Variants in HS3ST4 observed in about 807,000 individuals in gnomAD.
HS3ST4 encodes the protein heparan sulfate-glucosamine 3-sulfotransferase 4.
A neutral mutation model predicts 29.2 loss-of-function variants in HS3ST4; 17 were observed. The observed-to-expected ratio is 0.58, with a 90% CI of 0.40 to 0.87. The LOEUF (loss-of-function observed/expected upper bound fraction) is 0.87, where lower values mean the gene tolerates loss of function less well. Ranked by LOEUF, HS3ST4 falls within the 40% of genes least tolerant of loss-of-function variation. The pLI, the probability that HS3ST4 is intolerant of heterozygous loss-of-function variation, is 0.00. For synonymous variants in HS3ST4, 314 were observed against 285.7 expected (o/e 1.10, Z -1.00); for missense variants, 627 against 634.5 (o/e 0.99, Z 0.13).
At position 25,701,875 on chromosome 16, in the gene HS3ST4, T is replaced by C. The variant is rs976660923; in HGVS notation, c.734+8724T>C. Among the ~76,000 whole-genome samples the C allele has an allele frequency of 2.0e-5, 3 of 152,346 alleles. 1 individual carries two copies. The highest frequency in any genetic ancestry group is 6.8e-3 in the Middle Eastern group (2 of 294). On this transcript the variant is annotated intron_variant, in intron 1 of 1. Coordinates refer to ENST00000331351, the MANE Select transcript of HS3ST4 (RefSeq NM_006040.3). ...GGAAGGATGGTTCAATCTTGGGGAA[T>C]GTAATAATGTGATTTATTGTTAATA...
chr16:26,111,227 T>C (rs1017421821), intron 1 of HS3ST4, among the ~76,000 whole-genome samples: 1 of 151,238 alleles, frequency 6.6e-6, no homozygotes, highest in Non-Finnish European at 1.5e-5. Flanking sequence ...TACAGGTGTA[T>C]ACCAGCACAT....
At chr16:25,726,748 A>G (rs1966537915) in intron 1 of HS3ST4, among the ~76,000 whole-genome samples, 1 of 152,232 alleles carries the variant, frequency 6.6e-6, no homozygotes, top group African/African-American at 2.4e-5. Context: ...TGTTTTCAGC[A>G]GTGATTGGTT....
At chr16:25,942,213 T>C (rs1410946524) in intron 1 of HS3ST4, among the ~76,000 whole-genome samples, 1 of 152,004 alleles carries the variant, frequency 6.6e-6, no homozygotes, top group East Asian at 1.9e-4. Context: ...ACCTGGAGAC[T>C]GGGGGGAGGA....
Position 25,899,580 on chromosome 16 carries a change from A to G in HS3ST4, c.734+206429A>G, listed in dbSNP as rs1200756205. 2.6e-5 allele frequency among the ~76,000 whole-genome samples: 4 copies of G among 151,846 alleles called. No individual in the cohort carries two copies. The East Asian group carries it at 7.7e-4, about 29-fold the overall frequency. ...GAGTGCAGTGGTGCGATCTCAGCTC[A>G]CTGCAACCTCTGCCGTACGTGTTCA... On this transcript the variant is annotated intron_variant, in intron 1 of 1. Transcript: ENST00000331351.
chr16:26,026,685 A>G (rs1292720668), intron 1 of HS3ST4, among the ~76,000 whole-genome samples: 3 of 152,162 alleles, frequency 2.0e-5, no homozygotes, highest in Non-Finnish European at 2.9e-5. Context: ...ATTTCTGCTC[A>G]TGTCATTTCT....
chr16:25,948,521 T>C (rs1968652358), intron 1 of HS3ST4, among the ~76,000 whole-genome samples: 1 of 152,138 alleles, frequency 6.6e-6, no homozygotes, highest in African/African-American at 2.4e-5. Flanking sequence ...ATCACTGCTT[T>C]CTTTGACTAT....
chr16:25,746,985 A>T (rs1302985593), intron 1 of HS3ST4, among the ~76,000 whole-genome samples: 1 of 152,192 alleles, frequency 6.6e-6, no homozygotes, highest in African/African-American at 2.4e-5. Flanking sequence ...AGTAGCTAAG[A>T]CCACAGGTGT....
chr16:26,043,883 C>G (rs561711917), intron 1 of HS3ST4, among the ~76,000 whole-genome samples: 1 of 152,328 alleles, frequency 6.6e-6, no homozygotes, highest in South Asian at 2.1e-4. Context: ...CCTCTTCATT[C>G]TCCCTGCCAC....
chr16:25,866,085 A>G (rs1331216261), intron 1 of HS3ST4, among the ~76,000 whole-genome samples: 7 of 152,200 alleles, frequency 4.6e-5, no homozygotes, highest in Non-Finnish European at 8.8e-5. Flanking sequence ...TAATCTATCC[A>G]TTTGCAAAAT....
intron 1 of HS3ST4, among the ~76,000 whole-genome samples, chr16:25,922,387 G>A (rs1490228728): frequency 6.6e-6 from 1 of 152,144 alleles, no homozygotes; most frequent in Non-Finnish European, 1.5e-5. Flanking sequence ...CATCATTTGT[G>A]AACCAGTAAA....
intron 1 of HS3ST4, among the ~76,000 whole-genome samples, chr16:25,702,392 C>A (rs980513642): frequency 3.3e-5 from 5 of 151,992 alleles, no homozygotes; most frequent in African/African-American, 7.3e-5. Context: ...ACCAGAGAGA[C>A]GAAATAACTA....
chr16:26,085,522 ATG>A (rs72164977), intron 1 of HS3ST4, among the ~76,000 whole-genome samples: 72,896 of 151,558 alleles, frequency 0.48, 17,741 homozygotes, highest in Middle Eastern at 0.56. Context: ...ATATATATAT[ATG>A]TTATAAAAAC....
At chr16:25,937,620 G>C (rs1438827454) in intron 1 of HS3ST4, among the ~76,000 whole-genome samples, 5 of 152,106 alleles carry the variant, frequency 3.3e-5, no homozygotes, top group Non-Finnish European at 7.3e-5. Flanking sequence ...GCAGCTGGAG[G>C]GCTAGGTGGA....
chr16:25,870,002 GAGATATTCACAGGTTGA>G (rs1967732933), intron 1 of HS3ST4, among the ~76,000 whole-genome samples: 1 of 152,140 alleles, frequency 6.6e-6, no homozygotes, highest in African/African-American at 2.4e-5. Flanking sequence ...CTCTATCTCT[GAGATATTCACAGGTTGA>G]AGTCATAGGA....
intron 1 of HS3ST4, among the ~76,000 whole-genome samples, chr16:25,834,591 C>A (rs1157529087): frequency 6.6e-6 from 1 of 152,070 alleles, no homozygotes; most frequent in South Asian, 2.1e-4. Flanking sequence ...TAAAAATATA[C>A]AAAACATGCT....
chr16:25,865,182 A>G (rs971430004), intron 1 of HS3ST4, among the ~76,000 whole-genome samples: 3 of 152,230 alleles, frequency 2.0e-5, no homozygotes, highest in African/African-American at 7.2e-5. Context: ...TTGCTGGATC[A>G]AATGATAGTT....
At chr16:26,123,770 G>T (rs1899307040) in intron 1 of HS3ST4, among the ~76,000 whole-genome samples, 1 of 152,020 alleles carries the variant, frequency 6.6e-6, no homozygotes, top group Non-Finnish European at 1.5e-5. Flanking sequence ...TGCGATATTT[G>T]GTTTTCCCTT....
intron 1 of HS3ST4, among the ~76,000 whole-genome samples, chr16:26,013,836 C>T: frequency 6.6e-6 from 1 of 151,834 alleles, no homozygotes; most frequent in East Asian, 1.9e-4. Context: ...GGTGAAACCC[C>T]ATCTCTACTA....
At chr16:26,087,495 C>G (rs1317699986) in intron 1 of HS3ST4, among the ~76,000 whole-genome samples, 1 of 152,076 alleles carries the variant, frequency 6.6e-6, no homozygotes, top group Non-Finnish European at 1.5e-5. Context: ...ATCCCTGCCT[C>G]CCTCACTCCC....
Sources: allele counts gnomAD v4.1 joint callset (sites outside exome capture counted in the v4.1 genomes callset), GRCh38; gene constraint gnomAD v4.1.1; transcripts MANE v1.5; gene names NCBI Gene and HGNC (gene_info 2026-07-23, HGNC 2026-07-21).